The following KHDRBS1 variants were observed in gnomAD, a reference collection of about 807,000 sequenced individuals.
KHDRBS1 encodes KH RNA binding domain containing, signal transduction associated 1.
In KHDRBS1, 7 loss-of-function variants were observed where a neutral mutation model predicts 48.4. The observed-to-expected ratio is 0.14, with a 90% CI of 0.08 to 0.27. The LOEUF is 0.27. Among genes scored for constraint, KHDRBS1 ranks in the 10% least tolerant of loss-of-function variants. The pLI is 1.00. For missense variants in KHDRBS1, 458 were observed against 601.2 expected (o/e 0.76, Z 2.49); for synonymous variants, 241 against 235.8 (o/e 1.02, Z -0.20).
intron 4 of KHDRBS1, 147 bp from the exon 5 acceptor site, chr1:32,036,763 G>A (rs1481047189): frequency 5.7e-6 from 4 of 705,134 alleles, no homozygotes; most frequent in Non-Finnish European, 9.1e-6. Flanking sequence ...CAGATAGGGT[G>A]CCATTTGACT....
chr1:32,054,677 C>T (rs865969731), intron 10 of KHDRBS1, among the ~76,000 whole-genome samples: 36 of 152,308 alleles, frequency 2.4e-4, no homozygotes, highest in Middle Eastern at 3.4e-3. Context: ...CTGAGAGTAT[C>T]ATATACAGCA....
At chr1:32,021,978 G>A (rs1488067503) in intron 1 of KHDRBS1, among the ~76,000 whole-genome samples, 1 of 143,616 alleles carries the variant, frequency 7.0e-6, no homozygotes, top group East Asian at 2.0e-4. Context: ...TTTTTTTTAA[G>A]GAGATGGAGT....
At position 32,019,053 on chromosome 1, in the gene KHDRBS1, C is replaced by T. The variant is rs1638802487; in HGVS notation, c.382+4676C>T. Among the ~76,000 whole-genome samples the T allele has an allele frequency of 2.7e-5, 4 of 146,106 alleles. No individual in the cohort carries two copies. The South Asian group carries it at 6.7e-4, about 24-fold the overall frequency. ...GAGTTTGCAGTGAGCCGAGATTGCG[C>T]CGCCACTGCACTCCAGCCTGGGCGA... is the stretch of plus-strand genomic sequence containing the variant. On this transcript the variant is annotated intron_variant, in intron 1 of 8. Transcript: ENST00000327300.
chr1:32,035,521 G>A (rs528231094), intron 4 of KHDRBS1, among the ~76,000 whole-genome samples: 1 of 152,346 alleles, frequency 6.6e-6, no homozygotes, highest in Non-Finnish European at 1.5e-5. Flanking sequence ...TTTCCCTCTT[G>A]TGGAGGAAAG....
intron 1 of KHDRBS1, among the ~76,000 whole-genome samples, chr1:32,024,954 C>T (rs1638933809): frequency 6.7e-6 from 1 of 150,372 alleles, no homozygotes; most frequent in Non-Finnish European, 1.5e-5. Context: ...AGTAGAGAAC[C>T]CATCTCTTTA....
At chr1:32,045,007 C>A (rs749416002), downstream of KHDRBS1, among the ~76,000 whole-genome samples, 5 of 152,268 alleles carry the variant, frequency 3.3e-5, no homozygotes, top group East Asian at 9.6e-4. Flanking sequence ...TCTTAATAAT[C>A]CTGCCCATCA....
chr1:32,053,757 A>G (rs1639449017), intron 10 of KHDRBS1, among the ~76,000 whole-genome samples: 1 of 152,126 alleles, frequency 6.6e-6, no homozygotes, highest in Non-Finnish European at 1.5e-5. Context: ...TTACTTCGAC[A>G]CTTGGGAAGA....
At chr1:32,053,588 T>C (rs1269968482) in intron 10 of KHDRBS1, among the ~76,000 whole-genome samples, 1 of 152,122 alleles carries the variant, frequency 6.6e-6, no homozygotes, top group African/African-American at 2.4e-5. Flanking sequence ...AGTCTCTATG[T>C]TGCCCAAGCC....
chr1:32,025,354 G>T (rs893823981), intron 1 of KHDRBS1, among the ~76,000 whole-genome samples: 1 of 134,184 alleles, frequency 7.5e-6, no homozygotes, highest in Non-Finnish European at 1.5e-5. Flanking sequence ...AGGCTAGAGT[G>T]CAGTGGCACG....
downstream of KHDRBS1, among the ~76,000 whole-genome samples, chr1:32,048,602 A>G (rs866662027): frequency 1.1e-4 from 17 of 152,194 alleles, no homozygotes; most frequent in Admixed American, 5.9e-4. Flanking sequence ...TATAAATTAA[A>G]GGTCATGTTA....
Position 32,037,020 on chromosome 1 carries a change from ACCT to A in KHDRBS1, c.888_890del (p.Pro299del). 1.2e-6 allele frequency: 2 copies of A among 1,613,920 alleles called. No individual in the cohort carries two copies. The highest frequency in any genetic ancestry group is 1.7e-6 in the Non-Finnish European group (2 of 1,179,938). On this transcript the variant is annotated inframe_deletion, in exon 5 of 9. Transcript: ENST00000327300. The stretch of plus-strand genomic sequence containing the variant: ...TGCCAGTGAGAGGCCGGGGAGCTGC[ACCT>A]CCTCCACCACCTGTTCCCAGGTAAA...
chr1:32,045,936 G>A (rs550320094), downstream of KHDRBS1, among the ~76,000 whole-genome samples: 5 of 152,292 alleles, frequency 3.3e-5, no homozygotes, highest in Middle Eastern at 3.4e-3. Context: ...AGTCACATGC[G>A]TAAGAAAAAC....
chr1:32,025,340 A>G (rs1432553788), intron 1 of KHDRBS1, among the ~76,000 whole-genome samples: 2 of 116,438 alleles, frequency 1.7e-5, no homozygotes, highest in African/African-American at 7.0e-5. Context: ...TCGCTCTGTC[A>G]CCCAGGCTAG....
At chr1:32,015,755 T>G (rs779671622) in intron 1 of KHDRBS1, among the ~76,000 whole-genome samples, 1 of 152,194 alleles carries the variant, frequency 6.6e-6, no homozygotes, top group Non-Finnish European at 1.5e-5. Flanking sequence ...TGGATAAGTG[T>G]TAATATATGT....
chr1:32,048,767 GTATA>G (rs1639384160), downstream of KHDRBS1, among the ~76,000 whole-genome samples: 1 of 151,992 alleles, frequency 6.6e-6, no homozygotes, highest in Non-Finnish European at 1.5e-5. Context: ...GTGGTTTTTA[GTATA>G]TACAGAGTTG....
At chr1:32,038,226 G>C in intron 6 of KHDRBS1, 190 bp downstream of exon 6, 1 of 812,876 alleles carries the variant, frequency 1.2e-6, no homozygotes, top group African/African-American at 1.7e-5. Context: ...TTTACTATAC[G>C]CCTGTAGATT....
At chr1:32,020,854 T>C (rs1469036990) in intron 1 of KHDRBS1, among the ~76,000 whole-genome samples, 1 of 152,186 alleles carries the variant, frequency 6.6e-6, no homozygotes, top group African/African-American at 2.4e-5. Context: ...ATGATGGAAC[T>C]GTTCTGTATC....
chr1:32,057,462 A>AT, intron 10 of KHDRBS1, among the ~76,000 whole-genome samples: 1 of 148,788 alleles, frequency 6.7e-6, no homozygotes, highest in African/African-American at 2.5e-5. Context: ...TAGCCACCAC[A>AT]CCTAGCTGGA....
chr1:32,037,459 T>C (rs922451473), intron 5 of KHDRBS1, among the ~76,000 whole-genome samples: 6 of 149,370 alleles, frequency 4.0e-5, no homozygotes, highest in African/African-American at 1.5e-4. Flanking sequence ...AAAAAAAAAA[T>C]AGAGTTCTAG....
Sources: allele counts gnomAD v4.1 joint callset (sites outside exome capture counted in the v4.1 genomes callset), GRCh38; gene constraint gnomAD v4.1.1; transcripts MANE v1.5; gene names NCBI Gene and HGNC (gene_info 2026-07-23, HGNC 2026-07-21).